Variants in NEBL observed in about 807,000 individuals in gnomAD.
The protein encoded by NEBL is LIM and SH3 protein 2.
In NEBL, 122 loss-of-function variants were observed where a neutral mutation model predicts 140.2. The observed-to-expected ratio is 0.87, with a 90% confidence interval of 0.75 to 1.01. The LOEUF is 1.01. NEBL is among the 50% of genes least tolerant of loss of function. The pLI, the probability that NEBL is intolerant of heterozygous loss-of-function variation, is 0.00. For synonymous variants in NEBL, 436 were observed against 398.9 expected (o/e 1.09, Z -1.11); for missense variants, 1,365 against 1,231.3 (o/e 1.11, Z -1.62).
At chr10:21,076,972 A>G (rs970176819) in intron 2 of NEBL, among the ~76,000 whole-genome samples, 3 of 152,184 alleles carry the variant, frequency 2.0e-5, no homozygotes, top group African/African-American at 7.2e-5. Context: ...AAAGTTCTAG[A>G]AACATACATT....
chr10:20,859,425 T>C (rs1397269767), intron 8 of NEBL, among the ~76,000 whole-genome samples: 1 of 152,100 alleles, frequency 6.6e-6, no homozygotes, highest in Non-Finnish European at 1.5e-5. Context: ...TAATTTGTGT[T>C]AATACAGACC....
intron 3 of NEBL, among the ~76,000 whole-genome samples, chr10:21,198,403 CTG>C (rs1385877656): frequency 1.3e-5 from 2 of 152,190 alleles, no homozygotes; most frequent in Non-Finnish European, 1.5e-5. Context: ...AAATCCCTCT[CTG>C]TGCCTCCTGG....
In NEBL at chr10:20,808,652, C is replaced by T. The variant is rs140803920; in HGVS notation, c.2619G>A (p.Ala873=). Reference sequence around the variant, plus strand: ...GAGACCAGTGTCGCCTATAGTGACTCGCCTTTTCTATATTGGAGGGAAAAT... The same window carrying T: ...GAGACCAGTGTCGCCTATAGTGACTTGCCTTTTCTATATTGGAGGGAAAAT... ...SRSLHMLSEK[A]SHYRRHWSRS... Residue 873 remains alanine, a synonymous_variant, in exon 26 of 28, where the codon GCG becomes GCA. Coordinates refer to ENST00000377122, the MANE Select transcript of NEBL (RefSeq NM_006393.3). The T allele has an allele frequency of 9.9e-5, 160 of 1,612,630 alleles. No homozygotes were observed. Among genetic ancestry groups the T allele is most frequent in the Admixed American group, 3.5e-4 (21 of 59,986 alleles).
intron 2 of NEBL, among the ~76,000 whole-genome samples, chr10:21,053,782 C>G (rs1437615874): frequency 6.6e-6 from 1 of 152,106 alleles, no homozygotes; most frequent in African/African-American, 2.4e-5. Flanking sequence ...TCTGTAATCC[C>G]AGCACTTTGG....
chr10:20,935,839 G>C (rs1184389131), intron 4 of NEBL, among the ~76,000 whole-genome samples: 1 of 152,056 alleles, frequency 6.6e-6, no homozygotes, highest in Non-Finnish European at 1.5e-5. Flanking sequence ...TTCAATACAT[G>C]AGAATCATTA....
chr10:20,968,472 T>C (rs112869184), intron 3 of NEBL, among the ~76,000 whole-genome samples: 14,965 of 152,022 alleles, frequency 0.098, 1,164 homozygotes, highest in African/African-American at 0.22. Flanking sequence ...GTTCACACCA[T>C]TGCACTCCAG....
intron 3 of NEBL, among the ~76,000 whole-genome samples, chr10:21,227,515 T>C (rs1468385563): frequency 6.6e-6 from 1 of 152,254 alleles, no homozygotes; most frequent in Non-Finnish European, 1.5e-5. Flanking sequence ...AAACACTTTT[T>C]CTTGAAGGTG....
intron 9 of NEBL, among the ~76,000 whole-genome samples, chr10:20,854,644 A>C (rs1397665634): frequency 7.2e-6 from 1 of 139,838 alleles, no homozygotes; most frequent in African/African-American, 2.8e-5. Flanking sequence ...GGCTCACTGC[A>C]GCCTTGACCT....
Position 20,863,245 on chromosome 10 carries a change from C to T in NEBL, c.685-3419G>A, listed in dbSNP as rs1009711650. On this transcript the variant is annotated intron_variant, in intron 7 of 27. Coordinates refer to ENST00000377122, the MANE Select transcript of NEBL (RefSeq NM_006393.3). ...GCACCTGGGTATGTGTGAAGTCTAA[C>T]ACGCAAACCCAAAACTTTACACTGA... is the stretch of plus-strand genomic sequence containing the variant. Among the ~76,000 whole-genome samples, 3 of 152,250 alleles carry T rather than the reference C, an allele frequency of 2.0e-5. No individual in the cohort carries two copies. In the South Asian group the frequency reaches 6.2e-4, roughly 32 times the overall value.
At chr10:21,050,972 A>G (rs997205402) in intron 2 of NEBL, among the ~76,000 whole-genome samples, 21 of 152,264 alleles carry the variant, frequency 1.4e-4, no homozygotes, top group African/African-American at 5.1e-4. Flanking sequence ...TTGCACCTAG[A>G]TTTGGCTTCC....
chr10:21,067,333 T>C (rs1835613646), intron 2 of NEBL, among the ~76,000 whole-genome samples: 2 of 152,146 alleles, frequency 1.3e-5, no homozygotes, highest in Admixed American at 1.3e-4. Context: ...AAAAATTCAG[T>C]TTTGTGATAA....
At chr10:20,980,293 T>C (rs1836981323) in intron 3 of NEBL, among the ~76,000 whole-genome samples, 1 of 150,956 alleles carries the variant, frequency 6.6e-6, no homozygotes, top group Non-Finnish European at 1.5e-5. Flanking sequence ...GAAAAGTTTC[T>C]TTTTGTTCAG....
intron 3 of NEBL, among the ~76,000 whole-genome samples, chr10:21,211,024 C>T (rs1051484824): frequency 6.6e-6 from 1 of 152,164 alleles, no homozygotes. Context: ...AACCATGATC[C>T]ATATCCTCAG....
chr10:21,029,666 A>G (rs1833695515), intron 2 of NEBL: 1 of 1,205,688 alleles, frequency 8.3e-7, no homozygotes, highest in South Asian at 1.2e-5. Context: ...TTTGGAGACA[A>G]GTATCGAGAT....
intron 2 of NEBL, among the ~76,000 whole-genome samples, chr10:21,025,217 T>C (rs1028293288): frequency 3.9e-5 from 6 of 151,954 alleles, no homozygotes; most frequent in Non-Finnish European, 8.8e-5. Flanking sequence ...CAAAACATAA[T>C]TGTGGAAATA....
At chr10:20,886,351 C>T (rs372893611) in intron 4 of NEBL, among the ~76,000 whole-genome samples, 2 of 151,552 alleles carry the variant, frequency 1.3e-5, no homozygotes, top group Non-Finnish European at 2.9e-5. Flanking sequence ...GGCGAGACCC[C>T]GTCTCTACTA....
Position 20,831,232 on chromosome 10 carries a change from G to T in NEBL, c.1635C>A (p.Ile545=). 1 of 1,613,576 alleles carries T rather than the reference G, an allele frequency of 6.2e-7. No homozygotes were observed. The highest frequency in any genetic ancestry group is 1.1e-5 in the South Asian group (1 of 91,078). Residue 545 remains isoleucine, a synonymous_variant, in exon 16 of 28, where the codon ATC becomes ATA. Transcript: ENST00000377122. ...TTTCAGATGTCCTCTTGGCTCGAAGGATATCTGGGATATCCATGCTCACTT... is the reference window on the plus strand; with the variant it reads ...TTTCAGATGTCCTCTTGGCTCGAAGTATATCTGGGATATCCATGCTCACTT... ...GMQVSMDIPD[I]LRAKRTSEIY... is the part of the protein sequence containing the mutation.
intron 3 of NEBL, among the ~76,000 whole-genome samples, chr10:21,213,813 A>ATATC (rs1841951100): frequency 6.6e-6 from 1 of 151,772 alleles, no homozygotes; most frequent in African/African-American, 2.4e-5. Context: ...GGACCAACGA[A>ATATC]TATCTACACA....
intron 1 of NEBL, among the ~76,000 whole-genome samples, chr10:21,287,674 A>G (rs576312380): frequency 6.6e-6 from 1 of 152,346 alleles, no homozygotes; most frequent in African/African-American, 2.4e-5. Flanking sequence ...ATCCAGATAT[A>G]TCACTTCACA....
Sources: allele counts gnomAD v4.1 joint callset (sites outside exome capture counted in the v4.1 genomes callset), GRCh38; gene constraint gnomAD v4.1.1; transcripts MANE v1.5; gene names NCBI Gene and HGNC (gene_info 2026-07-23, HGNC 2026-07-21).